SLC25A16: variants seen among roughly 807,000 people sequenced by gnomAD.
SLC25A16 encodes solute carrier family 25 member 16.
SLC25A16 carries 39 observed loss-of-function variants against 41.5 expected under a neutral mutation model. The observed-to-expected ratio is 0.94, with a 90% CI of 0.73 to 1.23. The LOEUF (loss-of-function observed/expected upper bound fraction) is 1.23, where lower values mean the gene tolerates loss of function less well. Ranked by LOEUF, SLC25A16 falls within the 50% of genes most tolerant of loss-of-function variation. SLC25A16 has a pLI of 0.00. For missense variants in SLC25A16, 421 were observed against 426.9 expected (o/e 0.99, Z 0.12); for synonymous variants, 146 against 147.8 (o/e 0.99, Z 0.09).
rs1480240944 is a variant in SLC25A16, at chr10:68,506,620, C to T, written c.322G>A (p.Ala108Thr). 3.7e-6 allele frequency: 6 copies of T among 1,604,516 alleles called. No homozygotes were observed. Among genetic ancestry groups the T allele is most frequent in the Non-Finnish European group, 4.3e-6 (5 of 1,176,132 alleles). Residue 108 changes from alanine (A) to threonine (T), a missense_variant, in exon 3 of 9, where the codon GCA becomes ACA. Physicochemically the swap from Ala to Thr is moderately conservative, Grantham distance 58 (BLOSUM62 0). Coordinates refer to ENST00000609923, the MANE Select transcript of SLC25A16 (RefSeq NM_152707.4). ...TGCTCAAATGCCATAAACTGGATTGCACCATAGGGAAAGATTCGAATCATC... is the reference window on the plus strand; with the variant it reads ...TGCTCAAATGCCATAAACTGGATTGTACCATAGGGAAAGATTCGAATCATC... ...AMMIRIFPYGAIQFMAFEHYK... is the reference protein window; with the variant it reads ...AMMIRIFPYGTIQFMAFEHYK...
intron 1 of SLC25A16, among the ~76,000 whole-genome samples, chr10:68,524,049 G>A (rs1229329337): frequency 2.6e-5 from 4 of 152,034 alleles, no homozygotes; most frequent in South Asian, 2.1e-4. Context: ...GGTGGCTCAC[G>A]CCTGTAATCC....
At chr10:68,493,604 A>C in intron 4 of SLC25A16, 34 bp from the exon 5 acceptor site, 2 of 1,525,748 alleles carry the variant, frequency 1.3e-6, no homozygotes, top group Non-Finnish European at 1.8e-6. Flanking sequence ...AGGTACAATG[A>C]ATTTTTGATA....
At chr10:68,514,986 C>A (rs1222543555) in intron 2 of SLC25A16, among the ~76,000 whole-genome samples, 1 of 151,638 alleles carries the variant, frequency 6.6e-6, no homozygotes, top group African/African-American at 2.4e-5. Flanking sequence ...GATCTTCCTG[C>A]CTCAGCCTCC....
At chr10:68,509,735 A>ATCTATCTATCTATATC (rs201061957) in intron 2 of SLC25A16, among the ~76,000 whole-genome samples, 4,905 of 143,144 alleles carry the variant, frequency 0.034, 107 homozygotes, top group Middle Eastern at 0.077. Flanking sequence ...ATCTATCTAT[A>ATCTATCTATCTATATC]TATATATCTA....
Position 68,487,215 on chromosome 10 carries a change from A to G in SLC25A16, c.774-3T>C. 1.2e-6 allele frequency: 2 copies of G among 1,612,658 alleles called. No individual in the cohort carries two copies. Among genetic ancestry groups the G allele is most frequent in the African/African-American group, 1.3e-5 (1 of 75,008 alleles). On this transcript the variant is annotated splice_region_variant and splice_polypyrimidine_tract_variant and intron_variant, in intron 7 of 8. Transcript: ENST00000609923. The stretch of plus-strand genomic sequence containing the variant: ...GACGAGTCACATCAAATGGGTAGCT[A>G]AAAGAAGAAAAAGGCATAAAGAATT...
At chr10:68,496,448 G>GT (rs2052751391) in intron 4 of SLC25A16, 3 of 980,686 alleles carry the variant, frequency 3.1e-6, no homozygotes, top group Non-Finnish European at 3.6e-6. Context: ...AATAGTGGTG[G>GT]TAACAGCTTT....
Position 68,527,358 on chromosome 10 carries a change from GGCCGTCGCC to G in SLC25A16, c.9_17del (p.Thr5_Ala7del). ...GATCGGCCGCCGCCAGGGCTGCCGC[GGCCGTCGCC>G]GCCGCCATCAGGACCAGGGTCGCGT... On this transcript the variant is annotated inframe_deletion, in exon 1 of 9. Transcript: ENST00000609923. 6.6e-7 allele frequency: 1 copy of G among 1,504,838 alleles called. No homozygotes were observed. Among genetic ancestry groups the G allele is most frequent in the Admixed American group, 2.4e-5 (1 of 42,240 alleles). 93.2% of individuals were successfully genotyped at this position (1,504,838 alleles called of 1,614,324 possible). A position where few individuals can be genotyped will look rare whatever the true frequency, so the allele number is the denominator to read the frequency against.
intron 3 of SLC25A16, among the ~76,000 whole-genome samples, chr10:68,504,017 CTTTTT>C (rs148285905): frequency 5.5e-4 from 39 of 70,886 alleles, no homozygotes; most frequent in African/African-American, 2.0e-3. Context: ...TAAACTGCTA[CTTTTT>C]TTTTTTTTTT....
Position 68,527,438 on chromosome 10 carries a change from G to A in SLC25A16, c.-63C>T. On this transcript the variant is annotated 5_prime_UTR_variant, in exon 1 of 9. Transcript: ENST00000609923. Reference sequence around the variant, plus strand: ...TTACAGAACACCGGACGGGACCATAGCCGGAACAGGCGGTGACAGGAGGCT... The same window carrying A: ...TTACAGAACACCGGACGGGACCATAACCGGAACAGGCGGTGACAGGAGGCT... 1 of 1,399,032 alleles carries A rather than the reference G, an allele frequency of 7.1e-7. No individual in the cohort carries two copies. Among genetic ancestry groups the A allele is most frequent in the Non-Finnish European group, 9.2e-7 (1 of 1,082,178 alleles). The allele number at this position is 1,399,032 out of a possible 1,614,324, so 86.7% of individuals were successfully genotyped here. A position where few individuals can be genotyped will look rare whatever the true frequency, so the allele number is the denominator to read the frequency against.
Position 68,527,149 on chromosome 10 carries a change from A to G in SLC25A16, c.130+97T>C. The stretch of plus-strand genomic sequence containing the variant: ...TCTAACAGAACATTGAAGCAGCCAG[A>G]GTCCAGGAATGTCATAGAGGCCGCT... On this transcript the variant is annotated intron_variant, in intron 1 of 8. Coordinates refer to ENST00000609923, the MANE Select transcript of SLC25A16 (RefSeq NM_152707.4). The G allele has an allele frequency of 3.2e-6, 4 of 1,268,452 alleles. No individual in the cohort carries two copies. In the South Asian group the frequency reaches 5.7e-5, roughly 18 times the overall value. 78.6% of individuals were successfully genotyped at this position (1,268,452 alleles called of 1,614,324 possible). A position where few individuals can be genotyped will look rare whatever the true frequency, so the allele number is the denominator to read the frequency against.
At position 68,481,741 on chromosome 10, in the gene SLC25A16, G is replaced by T. The variant is rs2052485846; in HGVS notation, c.*1691C>A. On this transcript the variant is annotated 3_prime_UTR_variant, in exon 9 of 9. Coordinates refer to ENST00000609923, the MANE Select transcript of SLC25A16 (RefSeq NM_152707.4). ...CAATTCTCATGTCTCAGCCTCGCGA[G>T]TAACTGGGACTACAGGCACGAGCCA... The T allele has an allele frequency of 2.0e-5, 3 of 152,116 alleles. No individual in the cohort carries two copies. The highest frequency in any genetic ancestry group is 7.2e-5 in the African/African-American group (3 of 41,424). 9.4% of individuals were successfully genotyped at this position (152,116 alleles called of 1,614,324 possible).
rs1339725359 is a variant in SLC25A16, at chr10:68,481,783, T to A, written c.*1649A>T. On this transcript the variant is annotated 3_prime_UTR_variant, in exon 9 of 9. Transcript: ENST00000609923. ...CACGAGCCACCACACCTGCTACTTT[T>A]TGTATTTTTAGTAGAGGTGGGGTTT... 6.6e-6 allele frequency: 1 copy of A among 152,094 alleles called. No homozygotes were observed. The highest frequency in any genetic ancestry group is 1.5e-5 in the Non-Finnish European group (1 of 68,044). 9.4% of individuals were successfully genotyped at this position (152,094 alleles called of 1,614,324 possible).
intron 2 of SLC25A16, among the ~76,000 whole-genome samples, chr10:68,515,536 C>T (rs1984260): frequency 0.036 from 5,446 of 152,154 alleles, 150 homozygotes; most frequent in South Asian, 0.089. Flanking sequence ...CGGTGGCTCA[C>T]GCCTATAATC....
intron 2 of SLC25A16, among the ~76,000 whole-genome samples, chr10:68,515,194 TAAA>T (rs1341501260): frequency 6.7e-6 from 1 of 150,358 alleles, no homozygotes; most frequent in Non-Finnish European, 1.5e-5. Context: ...CCGTCTCTAC[TAAA>T]AATACAAAAA....
chr10:68,508,400 C>A, intron 2 of SLC25A16, among the ~76,000 whole-genome samples: 1 of 34,528 alleles, frequency 2.9e-5, no homozygotes, highest in African/African-American at 8.8e-5. Context: ...TAACAGGAAG[C>A]TTTAAAAAAA....
chr10:68,489,495 C>A (rs1481699312), intron 6 of SLC25A16, among the ~76,000 whole-genome samples: 1 of 151,884 alleles, frequency 6.6e-6, no homozygotes, highest in Non-Finnish European at 1.5e-5. Flanking sequence ...GATACTAGAA[C>A]CATTAAGGTT....
intron 7 of SLC25A16, 90 bp from the exon 8 acceptor site, chr10:68,487,302 T>A (rs1307742104): frequency 1.1e-6 from 1 of 921,096 alleles, no homozygotes; most frequent in Admixed American, 1.8e-5. Flanking sequence ...TTCAAAGAAA[T>A]AACGTGTTAC....
chr10:68,503,018 A>G (rs907685517), intron 4 of SLC25A16: 2 of 151,742 alleles, frequency 1.3e-5, no homozygotes, highest in African/African-American at 2.4e-5. Flanking sequence ...AAAGGAAAGG[A>G]GAAGGAAAGA....
rs1417182688 is a variant in SLC25A16 at position 68,482,693 on chromosome 10, GA to G, written c.*738del. 6.6e-6 allele frequency: 1 copy of G among 151,988 alleles called. No homozygotes were observed. Among genetic ancestry groups the G allele is most frequent in the Non-Finnish European group, 1.5e-5 (1 of 68,004 alleles). The allele number at this position is 151,988 out of a possible 1,614,324, so 9.4% of individuals were successfully genotyped here. A position where few individuals can be genotyped will look rare whatever the true frequency, so the allele number is the denominator to read the frequency against. On this transcript the variant is annotated 3_prime_UTR_variant, in exon 9 of 9. Coordinates refer to ENST00000609923, the MANE Select transcript of SLC25A16 (RefSeq NM_152707.4). The stretch of plus-strand genomic sequence containing the variant: ...CTCATAGTACCTCATAATAACATTT[GA>G]GCAAGACTTAGTCGTTCATTCATTT...
Sources: allele counts gnomAD v4.1 joint callset (sites outside exome capture counted in the v4.1 genomes callset), GRCh38; gene constraint gnomAD v4.1.1; transcripts MANE v1.5; gene names NCBI Gene and HGNC (gene_info 2026-07-23, HGNC 2026-07-21).